INIP: variants seen among roughly 807,000 people sequenced by gnomAD.
The protein encoded by INIP is INTS3 and NABP interacting protein, also known as SOSS complex subunit C.
INIP carries 9 observed loss-of-function variants against 14.0 expected under a neutral mutation model. The observed-to-expected ratio is 0.64, with a 90% CI of 0.39 to 1.12. The LOEUF (loss-of-function observed/expected upper bound fraction) is 1.12. Among genes scored for constraint, INIP ranks in the 50% most tolerant of loss-of-function variants. INIP has a pLI of 0.01. For missense variants in INIP, 78 were observed against 122.7 expected, an observed-to-expected ratio of 0.64 and a Z score of 1.72; for synonymous variants, 37 against 41.5, an observed-to-expected ratio of 0.89 and a Z score of 0.41.
intron 4 of INIP, among the ~76,000 whole-genome samples, chr9:112,688,738 G>A (rs1837773714): frequency 6.6e-6 from 1 of 152,074 alleles, no homozygotes; most frequent in South Asian, 2.1e-4. Flanking sequence ...AGCTACTTAG[G>A]AGCCTGAGGC....
intron 2 of INIP, among the ~76,000 whole-genome samples, chr9:112,698,392 A>G (rs189443417): frequency 7.2e-5 from 11 of 151,988 alleles, no homozygotes; most frequent in African/African-American, 1.7e-4. Context: ...AGGTTCCATA[A>G]TTTTCCCCAA....
At chr9:112,697,525 G>A (rs1255016977) in intron 2 of INIP, among the ~76,000 whole-genome samples, 3 of 152,112 alleles carry the variant, frequency 2.0e-5, no homozygotes, top group South Asian at 2.1e-4. Context: ...AGAGGCTGCC[G>A]TGAGCCATGA....
intron 2 of INIP, among the ~76,000 whole-genome samples, chr9:112,713,434 T>C (rs1255891599): frequency 6.6e-6 from 1 of 152,222 alleles, no homozygotes; most frequent in African/African-American, 2.4e-5. Flanking sequence ...GGCTCATGCC[T>C]GTAATCCCAA....
chr9:112,702,373 T>C (rs1391778398), intron 2 of INIP, among the ~76,000 whole-genome samples: 1 of 151,716 alleles, frequency 6.6e-6, no homozygotes, highest in Non-Finnish European at 1.5e-5. Context: ...CACAACTGAG[T>C]TTTTCAATGC....
intron 3 of INIP, among the ~76,000 whole-genome samples, chr9:112,693,650 G>C (rs1837972359): frequency 6.6e-6 from 1 of 152,066 alleles, no homozygotes; most frequent in South Asian, 2.1e-4. Context: ...AACTAAGTTG[G>C]GCACAGGTAA....
intron 2 of INIP, among the ~76,000 whole-genome samples, chr9:112,699,197 C>T (rs1344212879): frequency 2.6e-5 from 4 of 151,694 alleles, no homozygotes; most frequent in Admixed American, 2.0e-4. Flanking sequence ...GTGCTACATG[C>T]CTGTAGTCCC....
chr9:112,708,311 TC>T (rs1222491032), intron 2 of INIP, among the ~76,000 whole-genome samples: 1 of 151,910 alleles, frequency 6.6e-6, no homozygotes, highest in Admixed American at 6.6e-5. Context: ...AAATAAACTT[TC>T]CCCCTTTAAA....
intron 1 of INIP, among the ~76,000 whole-genome samples, chr9:112,717,591 A>C (rs936110362): frequency 1.3e-5 from 2 of 152,194 alleles, no homozygotes; most frequent in Admixed American, 1.3e-4. Flanking sequence ...GAGGCAAAGA[A>C]TTGATTTCAT....
At chr9:112,717,515 C>T (rs73534714) in intron 1 of INIP, among the ~76,000 whole-genome samples, 1,595 of 150,346 alleles carry the variant, frequency 0.011, 39 homozygotes, top group African/African-American at 0.037. Flanking sequence ...TTCAAGCAAC[C>T]ATACTATTAA....
intron 2 of INIP, among the ~76,000 whole-genome samples, chr9:112,702,459 C>T (rs778272826): frequency 1.3e-5 from 2 of 152,092 alleles, no homozygotes; most frequent in African/African-American, 2.4e-5. Context: ...AAATTACAAT[C>T]GCACAAGAAT....
intron 2 of INIP, among the ~76,000 whole-genome samples, chr9:112,696,667 TCTGA>T (rs1209524341): frequency 1.3e-5 from 2 of 152,192 alleles, no homozygotes; most frequent in African/African-American, 4.8e-5. Context: ...CACCTATGCC[TCTGA>T]CTGACTGGCT....
At chr9:112,699,081 G>A (rs747279237) in intron 2 of INIP, among the ~76,000 whole-genome samples, 3 of 152,062 alleles carry the variant, frequency 2.0e-5, no homozygotes, top group Non-Finnish European at 4.4e-5. Flanking sequence ...ACTTTGGGAG[G>A]TCGAGGCAGG....
At chr9:112,698,820 A>C (rs1357106182) in intron 2 of INIP, among the ~76,000 whole-genome samples, 5 of 152,220 alleles carry the variant, frequency 3.3e-5, no homozygotes, top group African/African-American at 9.7e-5. Context: ...TCTCTTTCTC[A>C]TATTTTAGAA....
chr9:112,689,801 A>G (rs908842368), intron 3 of INIP, among the ~76,000 whole-genome samples, 184 bp from the exon 4 acceptor site: 1 of 152,198 alleles, frequency 6.6e-6, no homozygotes, highest in Non-Finnish European at 1.5e-5. Context: ...AAATCAAGCT[A>G]ATTAACATAT....
In INIP at chr9:112,687,327, A is replaced by T. The variant is rs1008169998; in HGVS notation, c.*211T>A. The stretch of plus-strand genomic sequence containing the variant: ...TACAAAAAAGTTACAGTCACGGTAC[A>T]TAATCAATTCCTTGGACGATACAGC... On this transcript the variant is annotated 3_prime_UTR_variant, in exon 5 of 5. Transcript: ENST00000374242. 1 of 454,740 alleles carries T rather than the reference A, an allele frequency of 2.2e-6. No homozygotes were observed. Among genetic ancestry groups the T allele is most frequent in the African/African-American group, 2.0e-5 (1 of 51,142 alleles). The allele number at this position is 454,740 out of a possible 1,614,324, so 28.2% of individuals were successfully genotyped here. A position where few individuals can be genotyped will look rare whatever the true frequency, so the allele number is the denominator to read the frequency against.
At chr9:112,710,839 C>A (rs1356266026) in intron 2 of INIP, among the ~76,000 whole-genome samples, 1 of 151,936 alleles carries the variant, frequency 6.6e-6, no homozygotes, top group Non-Finnish European at 1.5e-5. Flanking sequence ...TTAAGTAATT[C>A]TTATACATAC....
In INIP at chr9:112,684,296, G is replaced by A. The variant is rs1355677659; in HGVS notation, c.*3242C>T. 3 of 152,082 alleles carry A rather than the reference G, an allele frequency of 2.0e-5. No individual in the cohort carries two copies. Among genetic ancestry groups the A allele is most frequent in the East Asian group, 1.9e-4 (1 of 5,198 alleles). 9.4% of individuals were successfully genotyped at this position (152,082 alleles called of 1,614,324 possible). ...CACACCTGTAATCTCAGCACTTTAG[G>A]AGGCCAAGGTGGGAGGATCGAGAGG... is the stretch of plus-strand genomic sequence containing the variant. On this transcript the variant is annotated 3_prime_UTR_variant, in exon 5 of 5. Transcript: ENST00000374242.
At chr9:112,709,682 A>C (rs1208957446) in intron 2 of INIP, among the ~76,000 whole-genome samples, 1 of 152,158 alleles carries the variant, frequency 6.6e-6, no homozygotes, top group Non-Finnish European at 1.5e-5. Context: ...TCCCACATTG[A>C]CAATTCTCTG....
intron 2 of INIP, among the ~76,000 whole-genome samples, chr9:112,710,757 G>C: frequency 6.6e-6 from 1 of 152,190 alleles, no homozygotes; most frequent in South Asian, 2.1e-4. Flanking sequence ...AACACATAAA[G>C]ATTTTTTTTA....
Sources: allele counts gnomAD v4.1 joint callset (sites outside exome capture counted in the v4.1 genomes callset), GRCh38; gene constraint gnomAD v4.1.1; transcripts MANE v1.5; gene names NCBI Gene and HGNC (gene_info 2026-07-23, HGNC 2026-07-21).